The following BPIFB4 variants were observed in gnomAD, a reference collection of about 807,000 sequenced individuals.
The protein encoded by BPIFB4 is BPI fold-containing family B member 4.
Under a neutral mutation model 69.2 loss-of-function variants are expected in BPIFB4, and 62 were observed. The observed-to-expected ratio is 0.90, with a 90% confidence interval of 0.73 to 1.11. The LOEUF (loss-of-function observed/expected upper bound fraction) is 1.11. BPIFB4 is among the 50% of genes least tolerant of loss of function. The pLI, the probability that BPIFB4 is intolerant of heterozygous loss-of-function variation, is 0.00. For synonymous variants in BPIFB4, 330 were observed against 332.7 expected, an observed-to-expected ratio of 0.99 and a Z score of 0.09; for missense variants, 789 against 792.0, an observed-to-expected ratio of 1.00 and a Z score of 0.04.
At chr20:33,102,877 A>G (rs1348584238) in intron 14 of BPIFB4, 95 bp from the exon 15 acceptor site, 8 of 1,234,296 alleles carry the variant, frequency 6.5e-6, no homozygotes, top group Non-Finnish European at 9.6e-6. Context: ...GATCGTGAGG[A>G]TAGTGGAGGG....
chr20:33,108,663 G>A (rs1216619117), intron 17 of BPIFB4, among the ~76,000 whole-genome samples: 1 of 151,950 alleles, frequency 6.6e-6, no homozygotes, highest in Non-Finnish European at 1.5e-5. Context: ...TATAAAAAGG[G>A]GCTAATCATA....
In BPIFB4 at chr20:33,090,780, TC is replaced by T. The variant is rs780906864; in HGVS notation, c.1126del (p.Leu376TrpfsTer56). 5.6e-6 allele frequency: 9 copies of T among 1,614,148 alleles called. No homozygotes were observed. Among genetic ancestry groups the T allele is most frequent in the Non-Finnish European group, 6.8e-6 (8 of 1,180,018 alleles). On this transcript the variant is annotated frameshift_variant, in exon 10 of 18. Transcript: ENST00000375483. LOFTEE classifies it high-confidence loss of function. ...AGCCTCCCGCTTGTGACCGGGGAATTCCTGGAGCTGGACCTCAACGTGAGTG... is the reference window on the plus strand; with the variant it reads ...AGCCTCCCGCTTGTGACCGGGGAATTCTGGAGCTGGACCTCAACGTGAGTG... The part of the protein sequence containing the change: ...FSSLPLVTGE[F>X]LELDLNTLVG...
chr20:33,096,607 C>T lies in BPIFB4; in HGVS notation c.1399-1010C>T, dbSNP rs114879275. Among the ~76,000 whole-genome samples, 1,413 of 152,306 alleles carry T rather than the reference C, an allele frequency of 9.3e-3. 17 individuals carry two copies. Among genetic ancestry groups the T allele is most frequent in the African/African-American group, 0.03 (1,259 of 41,564 alleles). On this transcript the variant is annotated intron_variant, in intron 12 of 17. Transcript: ENST00000375483. The stretch of plus-strand genomic sequence containing the variant: ...ACTTTTTCAATTGGTTCTGATCATT[C>T]CCTCTATCCACAGGACCAAAGAGGA...
intron 7 of BPIFB4, among the ~76,000 whole-genome samples, chr20:33,086,672 G>T (rs901826881): frequency 6.6e-6 from 1 of 152,196 alleles, no homozygotes; most frequent in Non-Finnish European, 1.5e-5. Context: ...TCCAACAGGG[G>T]TTGTGTGCGT....
chr20:33,104,742 G>C, intron 15 of BPIFB4, 68 bp from the exon 16 acceptor site: 1 of 1,493,538 alleles, frequency 6.7e-7, no homozygotes, highest in Non-Finnish European at 9.3e-7. Flanking sequence ...CAGGGGAGCA[G>C]ACCCAAGGGG....
chr20:33,086,077 T>C lies in BPIFB4; in HGVS notation c.839T>C (p.Leu280Pro). 1 of 1,613,370 alleles carries C rather than the reference T, an allele frequency of 6.2e-7. No individual in the cohort carries two copies. The highest frequency in any genetic ancestry group is 8.5e-7 in the Non-Finnish European group (1 of 1,179,342). The change falls in exon 7 of 18, where the codon CTG becomes CCG. Residue 280 changes from leucine to proline, a missense_variant. Physicochemically the swap from Leu to Pro is moderately conservative, Grantham distance 98. This residue lies in a region of BPIFB4 where 611 missense variants were observed against 575.4 expected (regional missense o/e 1.06). Coordinates refer to ENST00000375483, the MANE Select transcript of BPIFB4 (RefSeq NM_182519.3). The part of the protein sequence containing the change: ...VEVNITAKVR[L>P]TMDRTGYPRL... Reference sequence around the variant, plus strand: ...GTGAACATCACAGCCAAGGTCCGGCTGACCATGGACCGCACGGGTTATCCT... The same window carrying C: ...GTGAACATCACAGCCAAGGTCCGGCCGACCATGGACCGCACGGGTTATCCT...
chr20:33,086,307 G>A, intron 7 of BPIFB4, 143 bp downstream of exon 7: 2 of 1,132,066 alleles, frequency 1.8e-6, no homozygotes, highest in Non-Finnish European at 2.5e-6. Flanking sequence ...CTCATGCTGA[G>A]CCAGCTGTAC....
chr20:33,087,534 G>A (rs1981465540), intron 7 of BPIFB4, among the ~76,000 whole-genome samples: 2 of 151,834 alleles, frequency 1.3e-5, no homozygotes, highest in Admixed American at 6.6e-5. Context: ...CTCTTATTTC[G>A]CTGGTCCTCT....
At chr20:33,095,241 T>A in intron 12 of BPIFB4, 88 bp downstream of exon 12, 1 of 1,380,890 alleles carries the variant, frequency 7.2e-7, no homozygotes, top group Non-Finnish European at 1.0e-6. Context: ...TGCTCAGCGC[T>A]GGGGTGGGGT....
At chr20:33,099,119 G>A in intron 13 of BPIFB4, among the ~76,000 whole-genome samples, 1 of 151,910 alleles carries the variant, frequency 6.6e-6, no homozygotes, top group Non-Finnish European at 1.5e-5. Context: ...TGTGTTAAAT[G>A]CCATTTCTCC....
At chr20:33,084,024 C>A (rs1260006946) in intron 5 of BPIFB4, 150 bp downstream of exon 5, 2 of 948,576 alleles carry the variant, frequency 2.1e-6, no homozygotes, top group Admixed American at 2.9e-5. Context: ...TTAAGACCCC[C>A]AAGTTACATG....
chr20:33,110,030 A>G (rs1205015399), intron 17 of BPIFB4, among the ~76,000 whole-genome samples: 1 of 152,212 alleles, frequency 6.6e-6, no homozygotes, highest in Non-Finnish European at 1.5e-5. Context: ...TAATGTTAGC[A>G]TCTTACATAA....
Position 33,106,430 on chromosome 20 carries a change from T to A in BPIFB4, c.1745-1314T>A, listed in dbSNP as rs1385777271. ...CTCTGTGGCCCAGGCTAGAGTACAG[T>A]GGCACGATCTCGGCTCACTGCAACC... On this transcript the variant is annotated intron_variant, in intron 16 of 17. Coordinates refer to ENST00000375483, the MANE Select transcript of BPIFB4 (RefSeq NM_182519.3). 2.7e-5 allele frequency among the ~76,000 whole-genome samples: 4 copies of A among 147,238 alleles called. No individual in the cohort carries two copies. In the East Asian group the frequency reaches 7.9e-4, roughly 29 times the overall value.
At chr20:33,096,191 C>T (rs1373787460) in intron 12 of BPIFB4, among the ~76,000 whole-genome samples, 2 of 152,202 alleles carry the variant, frequency 1.3e-5, no homozygotes, top group African/African-American at 2.4e-5. Context: ...AGGTGGACCC[C>T]TCAATCAACT....
At chr20:33,103,409 C>A (rs1981959653) in intron 15 of BPIFB4, among the ~76,000 whole-genome samples, 2 of 152,238 alleles carry the variant, frequency 1.3e-5, no homozygotes, top group South Asian at 4.1e-4. Context: ...GCGATATCAA[C>A]CCACTCTGAG....
At chr20:33,109,529 A>C (rs1216354459) in intron 17 of BPIFB4, among the ~76,000 whole-genome samples, 1 of 152,128 alleles carries the variant, frequency 6.6e-6, no homozygotes, top group African/African-American at 2.4e-5. Context: ...AGTGTGAAGC[A>C]GCTCAAACCA....
Position 33,086,164 on chromosome 20 carries a change from G to A in BPIFB4, c.926G>A (p.Gly309Glu), listed in dbSNP as rs1156344561. Residue 309 changes from glycine to glutamate, a missense_variant and splice_region_variant, in exon 7 of 18, where the codon GGG (glycine) becomes GAG (glutamate). Around this residue, in one of 3 missense-constraint regions of BPIFB4, gnomAD observed 611 missense variants for 575.4 expected, o/e 1.06. Coordinates refer to ENST00000375483, the MANE Select transcript of BPIFB4 (RefSeq NM_182519.3). Reference protein sequence around the residue: ...LGGIKVKLLRGLLPNLVDNLV... With the variant: ...LGGIKVKLLRELLPNLVDNLV... ...GGCATCAAAGTCAAGCTGCTGCGAGGGTGAGTGCTAGCCGGCAGTGGAGTG... is the reference window on the plus strand; with the variant it reads ...GGCATCAAAGTCAAGCTGCTGCGAGAGTGAGTGCTAGCCGGCAGTGGAGTG... 9.3e-6 allele frequency: 15 copies of A among 1,604,772 alleles called. No individual in the cohort carries two copies. The highest frequency in any genetic ancestry group is 1.3e-5 in the Non-Finnish European group (15 of 1,172,408).
At chr20:33,111,341 T>C in intron 17 of BPIFB4, 73 bp from the exon 18 acceptor site, 2 of 1,586,216 alleles carry the variant, frequency 1.3e-6, no homozygotes, top group Non-Finnish European at 1.7e-6. Flanking sequence ...GCCAGATCCG[T>C]AGGCAGGTGA....
intron 7 of BPIFB4, 103 bp downstream of exon 7, chr20:33,086,267 C>A: frequency 7.0e-7 from 1 of 1,425,794 alleles, no homozygotes; most frequent in Non-Finnish European, 9.6e-7. Flanking sequence ...CTGGGGTGGG[C>A]AGGACGATGA....
Sources: allele counts gnomAD v4.1 joint callset (sites outside exome capture counted in the v4.1 genomes callset), GRCh38; gene constraint gnomAD v4.1.1; regional missense constraint gnomAD v4.1.1; transcripts MANE v1.5; gene names NCBI Gene and HGNC (gene_info 2026-07-23, HGNC 2026-07-21).